Variants in ERBB4 observed in about 807,000 individuals in gnomAD.
The protein encoded by ERBB4 is receptor tyrosine-protein kinase erbB-4.
In ERBB4, 42 loss-of-function variants were observed where a neutral mutation model predicts 158.0. The ratio of observed to expected loss-of-function variants is 0.27; its 90% CI spans 0.21 to 0.34. The LOEUF is 0.34. ERBB4 is among the 10% of genes least tolerant of loss of function. ERBB4 has a pLI of 1.00. For synonymous variants in ERBB4, 583 were observed against 558.7 expected, an observed-to-expected ratio of 1.04 and a Z score of -0.61; for missense variants, 1,333 against 1,624.1, an observed-to-expected ratio of 0.82 and a Z score of 3.08.
intron 2 of ERBB4, among the ~76,000 whole-genome samples, chr2:211,951,013 A>G (rs1261114750): frequency 6.6e-6 from 1 of 152,176 alleles, no homozygotes; most frequent in Non-Finnish European, 1.5e-5. Context: ...TTCATTATTA[A>G]AAAGTTTTCT....
intron 2 of ERBB4, among the ~76,000 whole-genome samples, chr2:212,002,485 T>C (rs2125282380): frequency 6.6e-6 from 1 of 152,160 alleles, no homozygotes; most frequent in Non-Finnish European, 1.5e-5. Flanking sequence ...GGCAAGCTTG[T>C]CATGAGACAA....
chr2:211,564,794 G>A (rs1300145063), intron 19 of ERBB4, among the ~76,000 whole-genome samples: 1 of 152,114 alleles, frequency 6.6e-6, no homozygotes. Flanking sequence ...TACAACAAAC[G>A]GAAATAGCAG....
At chr2:211,421,362 G>A (rs193074335) in intron 24 of ERBB4, among the ~76,000 whole-genome samples, 2 of 151,880 alleles carry the variant, frequency 1.3e-5, no homozygotes, top group East Asian at 3.9e-4. Flanking sequence ...ATACACTCTA[G>A]TCCAAGGCCC....
intron 2 of ERBB4, among the ~76,000 whole-genome samples, chr2:212,055,437 T>C (rs2077529575): frequency 6.6e-6 from 1 of 152,180 alleles, no homozygotes; most frequent in South Asian, 2.1e-4. Flanking sequence ...GTAGTGGTTC[T>C]CCCAACACAG....
chr2:212,095,892 G>A (rs2078915832), intron 2 of ERBB4, among the ~76,000 whole-genome samples: 1 of 147,498 alleles, frequency 6.8e-6, no homozygotes, highest in East Asian at 2.0e-4. Flanking sequence ...CCGAGATGGT[G>A]CTACTGCACT....
At chr2:212,449,820 ATTATAAT>A (rs970811646) in intron 1 of ERBB4, among the ~76,000 whole-genome samples, 1 of 150,962 alleles carries the variant, frequency 6.6e-6, no homozygotes, top group Non-Finnish European at 1.5e-5. Flanking sequence ...AAATTTTTAA[ATTATAAT>A]TTATAATTAT....
chr2:211,772,908 TACAC>T (rs200843814), intron 4 of ERBB4, among the ~76,000 whole-genome samples: 1,169 of 61,286 alleles, frequency 0.019, 74 homozygotes, highest in African/African-American at 0.03. Flanking sequence ...CATATATATA[TACAC>T]ACACACACAC....
At chr2:211,971,915 A>G (rs1098063) in intron 2 of ERBB4, among the ~76,000 whole-genome samples, 140,315 of 152,150 alleles carry the variant, frequency 0.92, 65,256 homozygotes, top group East Asian at 1. Context: ...CGAAAGTTCT[A>G]GCCAGGGCAA....
intron 19 of ERBB4, among the ~76,000 whole-genome samples, chr2:211,587,360 A>G (rs2068315473): frequency 6.6e-6 from 1 of 152,172 alleles, no homozygotes; most frequent in Non-Finnish European, 1.5e-5. Flanking sequence ...GTCTCAATAA[A>G]TAAAAAGATG....
At chr2:212,245,597 G>C (rs1159108040) in intron 1 of ERBB4, among the ~76,000 whole-genome samples, 1 of 151,930 alleles carries the variant, frequency 6.6e-6, no homozygotes, top group Non-Finnish European at 1.5e-5. Flanking sequence ...ACTGTAAAAG[G>C]TGAAATTATA....
At chr2:211,579,220 T>C (rs944290642) in intron 19 of ERBB4, among the ~76,000 whole-genome samples, 4 of 151,762 alleles carry the variant, frequency 2.6e-5, no homozygotes, top group Admixed American at 1.3e-4. Context: ...CACTGAGATG[T>C]TGAAATGCAA....
In ERBB4 at chr2:212,222,751, G is replaced by A. The variant is rs2083336176; in HGVS notation, c.83-97848C>T. Reference sequence around the variant, plus strand: ...AAAACTGCAGTTTACCTTCATAGTTGTTACTAATATTTCCTAATTTTGCAT... The same window carrying A: ...AAAACTGCAGTTTACCTTCATAGTTATTACTAATATTTCCTAATTTTGCAT... On this transcript the variant is annotated intron_variant, in intron 1 of 27. Coordinates refer to ENST00000342788, the MANE Select transcript of ERBB4 (RefSeq NM_005235.3). Among the ~76,000 whole-genome samples, 4 of 151,214 alleles carry A rather than the reference G, an allele frequency of 2.6e-5. No individual in the cohort carries two copies. In the South Asian group the frequency reaches 8.3e-4, roughly 31 times the overall value.
At chr2:211,468,050 GA>G (rs768016588) in intron 20 of ERBB4, among the ~76,000 whole-genome samples, 4 of 152,102 alleles carry the variant, frequency 2.6e-5, no homozygotes, top group Non-Finnish European at 4.4e-5. Context: ...GAAGTGGATG[GA>G]TTATATAAAA....
chr2:211,567,085 T>C (rs1360635673), intron 19 of ERBB4, among the ~76,000 whole-genome samples: 1 of 152,208 alleles, frequency 6.6e-6, no homozygotes, highest in Admixed American at 6.5e-5. Context: ...TTGATCCTTA[T>C]TATAATCCCA....
In ERBB4 at chr2:211,376,858, A is replaced by G. The variant is rs556225747; in HGVS notation, c.*6757T>C. On this transcript the variant is annotated 3_prime_UTR_variant, in exon 28 of 28. Coordinates refer to ENST00000342788, the MANE Select transcript of ERBB4 (RefSeq NM_005235.3). ...TGCGGTTTCAGCATGCAGCCACGCA[A>G]TCCCTGGTGCTCTCAACATGAGAAG... 4.7e-5 allele frequency: 11 copies of G among 233,060 alleles called. No individual in the cohort carries two copies. The South Asian group carries it at 1.8e-3, about 38-fold the overall frequency. The allele number at this position is 233,060 out of a possible 1,614,324, so 14.4% of individuals were successfully genotyped here.
intron 2 of ERBB4, among the ~76,000 whole-genome samples, chr2:212,005,212 G>C (rs1251258101): frequency 6.6e-6 from 1 of 152,090 alleles, no homozygotes; most frequent in Non-Finnish European, 1.5e-5. Flanking sequence ...CATTGAGTGA[G>C]AGTCACTCCT....
intron 1 of ERBB4, among the ~76,000 whole-genome samples, chr2:212,390,499 A>G (rs1337251231): frequency 6.6e-6 from 1 of 151,840 alleles, no homozygotes; most frequent in Non-Finnish European, 1.5e-5. Flanking sequence ...ATATGTTCAG[A>G]ACATCTATTC....
chr2:211,658,688 A>G (rs370628857), intron 15 of ERBB4, among the ~76,000 whole-genome samples: 115 of 152,318 alleles, frequency 7.5e-4, no homozygotes, highest in African/African-American at 2.5e-3. Flanking sequence ...TTAAACTACC[A>G]TAATAATGAA....
In ERBB4 at chr2:211,713,587, T is replaced by C. The variant is rs752288655; in HGVS notation, c.945A>G (p.Val315=). 3.7e-6 allele frequency: 6 copies of C among 1,612,950 alleles called. No individual in the cohort carries two copies. The highest frequency in any genetic ancestry group is 1.3e-5 in the African/African-American group (1 of 74,806). Residue 315 remains valine, a synonymous_variant, in exon 8 of 28, where the codon GTA becomes GTG. Coordinates refer to ENST00000342788, the MANE Select transcript of ERBB4 (RefSeq NM_005235.3). ...TACACATTTTAATCCCATTTTCTTC[T>C]ACTTCCATCTTGGAACTAGGGCAGG... ...VRACPSSKME[V]EENGIKMCKP...
Sources: gnomAD v4.1 joint callset for allele counts (sites outside exome capture counted in the v4.1 genomes callset) on GRCh38, gnomAD v4.1.1 for gene constraint, MANE v1.5 for transcripts, NCBI Gene and HGNC (gene_info 2026-07-23, HGNC 2026-07-21) for gene names.